KIRREL3: variants seen among roughly 807,000 people sequenced by gnomAD.
KIRREL3 encodes kin of IRRE-like protein 3.
KIRREL3 carries 36 observed loss-of-function variants against 89.7 expected under a neutral mutation model. That is an observed-to-expected ratio of 0.40 (90% confidence interval 0.31 to 0.53). KIRREL3 has a LOEUF of 0.53. Ranked by LOEUF, KIRREL3 falls within the 20% of genes least tolerant of loss-of-function variation. KIRREL3 has a pLI of 0.49. For missense variants in KIRREL3, 864 were observed against 1,056.6 expected, an observed-to-expected ratio of 0.82 and a Z score of 2.53; for synonymous variants, 445 against 441.4, an observed-to-expected ratio of 1.01 and a Z score of -0.10.
chr11:126,553,953 A>G lies in KIRREL3; in HGVS notation c.133+8882T>C, dbSNP rs549127588. On this transcript the variant is annotated intron_variant, in intron 2 of 16. Transcript: ENST00000525144. The surrounding 1 kb of genome is among the most constrained non-coding windows in gnomAD (Gnocchi z 4.7). ...TCGAAACAGGTTGGTGTCCATTCAC[A>G]TTGGAACTGCTGTCTGTCAACCAAA... Among the ~76,000 whole-genome samples the G allele has an allele frequency of 5.7e-4, 87 of 152,324 alleles. No individual in the cohort carries two copies. Among genetic ancestry groups the G allele is most frequent in the South Asian group, 1.2e-3 (6 of 4,822 alleles).
At chr11:126,585,448 G>A (rs946192228) in intron 1 of KIRREL3, among the ~76,000 whole-genome samples, 1 of 149,704 alleles carries the variant, frequency 6.7e-6, no homozygotes, top group African/African-American at 2.5e-5. Context: ...GGGCCAGGCT[G>A]CTCTCGAATT....
In KIRREL3 at chr11:126,805,275, C is replaced by T. The variant is rs1316593223; in HGVS notation, c.55+195180G>A. ...AGAGGACTTGTTTATGAAATTAGGG[C>T]TCATACTGAAGGTCAGGAGAAGGGC... On this transcript the variant is annotated intron_variant, in intron 1 of 16. Coordinates refer to ENST00000525144, the MANE Select transcript of KIRREL3 (RefSeq NM_032531.4). The surrounding 1 kb of genome is among the most constrained non-coding windows in gnomAD (Gnocchi z 4.3). Among the ~76,000 whole-genome samples the T allele has an allele frequency of 6.6e-6, 1 of 152,094 alleles. No individual in the cohort carries two copies. The highest frequency in any genetic ancestry group is 1.5e-5 in the Non-Finnish European group (1 of 68,016).
chr11:126,933,330 G>C (rs1306636189), intron 1 of KIRREL3, among the ~76,000 whole-genome samples: 1 of 151,778 alleles, frequency 6.6e-6, no homozygotes, highest in Admixed American at 6.6e-5. Flanking sequence ...TAAGTTCATT[G>C]CAGCCTAATG....
At chr11:126,621,634 T>C (rs1943578960) in intron 1 of KIRREL3, among the ~76,000 whole-genome samples, 1 of 152,226 alleles carries the variant, frequency 6.6e-6, no homozygotes, top group South Asian at 2.1e-4. Flanking sequence ...GCATTTTTTT[T>C]AATACCACGA....
At position 126,955,788 on chromosome 11, in the gene KIRREL3, G is replaced by A. The variant is rs1177935991; in HGVS notation, c.55+44667C>T. On this transcript the variant is annotated intron_variant, in intron 1 of 16. Transcript: ENST00000525144. The surrounding 1 kb of genome is among the most constrained non-coding windows in gnomAD (Gnocchi z 4.6). The stretch of plus-strand genomic sequence containing the variant: ...CAGAAAGCTTAGCTCTAGTGAGAGA[G>A]AAGCATTCAGGGCTGATGTTCTGAA... Among the ~76,000 whole-genome samples the A allele has an allele frequency of 6.6e-6, 1 of 152,208 alleles. No individual in the cohort carries two copies. Among genetic ancestry groups the A allele is most frequent in the Non-Finnish European group, 1.5e-5 (1 of 68,044 alleles).
In KIRREL3 at chr11:126,526,781, A is replaced by G; in HGVS notation, c.134-94T>C. 2 of 1,338,802 alleles carry G rather than the reference A, an allele frequency of 1.5e-6. No individual in the cohort carries two copies. The allele number at this position is 1,338,802 out of a possible 1,614,324, so 82.9% of individuals were successfully genotyped here. On this transcript the variant is annotated intron_variant, in intron 2 of 16. Transcript: ENST00000525144. The surrounding 1 kb of genome is among the most constrained non-coding windows in gnomAD (Gnocchi z 5.7). ...TATGGAAGCAGAGCAGGGCTGGCGC[A>G]GGAGACTGAGCCTCCTGAAGCACCT...
At chr11:126,848,988 A>C (rs1369770837) in intron 1 of KIRREL3, among the ~76,000 whole-genome samples, 2 of 152,204 alleles carry the variant, frequency 1.3e-5, no homozygotes, top group African/African-American at 4.8e-5. Context: ...GAGGTGTTTA[A>C]AACAGAGCCA....
rs556337654 is a variant in KIRREL3, at chr11:126,635,145, C to A, written c.56-72233G>T. 6.6e-6 allele frequency among the ~76,000 whole-genome samples: 1 copy of A among 152,338 alleles called. No homozygotes were observed. The highest frequency in any genetic ancestry group is 1.5e-5 in the Non-Finnish European group (1 of 68,032). On this transcript the variant is annotated intron_variant, in intron 1 of 16. Transcript: ENST00000525144. The surrounding 1 kb of genome is among the most constrained non-coding windows in gnomAD (Gnocchi z 4.0). ...GAGCAGGATTGAACCTTGAACCCAA[C>A]AAAAGGGTCTGCAGTGAGGCAGGGC...
chr11:126,446,168 AAAT>A (rs1955790687), intron 9 of KIRREL3, among the ~76,000 whole-genome samples: 2 of 151,796 alleles, frequency 1.3e-5, no homozygotes, highest in South Asian at 4.1e-4. Flanking sequence ...AAAAAAAAAA[AAAT>A]GGAACACAGG....
At chr11:126,942,120 C>T (rs944203889) in intron 1 of KIRREL3, among the ~76,000 whole-genome samples, 3 of 152,158 alleles carry the variant, frequency 2.0e-5, no homozygotes, top group African/African-American at 7.2e-5. Flanking sequence ...CAGCTCAAGT[C>T]TTCTGGAATA....
intron 4 of KIRREL3, among the ~76,000 whole-genome samples, chr11:126,509,890 C>T (rs1347740744): frequency 1.4e-5 from 2 of 144,872 alleles, no homozygotes; most frequent in Admixed American, 7.2e-5. Flanking sequence ...CCAGGAGATT[C>T]GCAGGAGAAT....
chr11:126,775,850 G>C (rs1241032017), intron 1 of KIRREL3, among the ~76,000 whole-genome samples: 1 of 152,130 alleles, frequency 6.6e-6, no homozygotes, highest in East Asian at 1.9e-4. Context: ...TCCAAGCATG[G>C]GCTCTTCCAC....
rs539717882 is a variant in KIRREL3, at chr11:126,735,186, AGTT to A, written c.56-172277_56-172275del. Among the ~76,000 whole-genome samples, 66 of 152,304 alleles carry A rather than the reference AGTT, an allele frequency of 4.3e-4. 2 individuals are homozygous for A. The South Asian group carries it at 0.013, about 29-fold the overall frequency. On this transcript the variant is annotated intron_variant, in intron 1 of 16. Transcript: ENST00000525144. The stretch of plus-strand genomic sequence containing the variant: ...ATGACACCTTTTATGTCTCTGTAAA[AGTT>A]GTAAAATGTGCTTCTGTGAGGGCTA...
chr11:126,698,456 T>C (rs1947185113), intron 1 of KIRREL3, among the ~76,000 whole-genome samples: 1 of 152,220 alleles, frequency 6.6e-6, no homozygotes, highest in African/African-American at 2.4e-5. Context: ...TGTTCTCATC[T>C]GCCGGCTTGT....
chr11:126,718,179 C>T (rs1288436628), intron 1 of KIRREL3, among the ~76,000 whole-genome samples: 3 of 152,172 alleles, frequency 2.0e-5, no homozygotes, highest in African/African-American at 7.2e-5. Context: ...TCTCCTGCAG[C>T]CACATTTCTG....
At chr11:126,938,442 T>A (rs1245254817) in intron 1 of KIRREL3, among the ~76,000 whole-genome samples, 1 of 152,180 alleles carries the variant, frequency 6.6e-6, no homozygotes, top group Non-Finnish European at 1.5e-5. Flanking sequence ...CTAAGAAAGG[T>A]CAAGTAAATT....
rs1408952095 is a variant in KIRREL3 at position 126,614,189 on chromosome 11, A to G, written c.56-51277T>C. 6.6e-6 allele frequency among the ~76,000 whole-genome samples: 1 copy of G among 152,142 alleles called. No homozygotes were observed. Among genetic ancestry groups the G allele is most frequent in the Non-Finnish European group, 1.5e-5 (1 of 68,026 alleles). The stretch of plus-strand genomic sequence containing the variant: ...ACATGTGCGCTTTAAGGGTTGGAAA[A>G]GTTCGATCTATTGTCGATTTCTCTA... On this transcript the variant is annotated intron_variant, in intron 1 of 16. Coordinates refer to ENST00000525144, the MANE Select transcript of KIRREL3 (RefSeq NM_032531.4). The surrounding 1 kb of genome is among the most constrained non-coding windows in gnomAD (Gnocchi z 4.6).
chr11:126,812,833 T>C lies in KIRREL3; in HGVS notation c.55+187622A>G, dbSNP rs1175524323. ...TGGCTCTGTTTCTCTATTTCCCAGT[T>C]ACTTGCCCAAGAACATGGCTCCATC... On this transcript the variant is annotated intron_variant, in intron 1 of 16. Transcript: ENST00000525144. The surrounding 1 kb of genome is among the most constrained non-coding windows in gnomAD (Gnocchi z 5.2). 6.6e-6 allele frequency among the ~76,000 whole-genome samples: 1 copy of C among 152,198 alleles called. No homozygotes were observed. Among genetic ancestry groups the C allele is most frequent in the Non-Finnish European group, 1.5e-5 (1 of 68,026 alleles).
At position 126,802,309 on chromosome 11, in the gene KIRREL3, G is replaced by T. The variant is rs1037359998; in HGVS notation, c.55+198146C>A. Among the ~76,000 whole-genome samples, 1 of 152,140 alleles carries T rather than the reference G, an allele frequency of 6.6e-6. No individual in the cohort carries two copies. Among genetic ancestry groups the T allele is most frequent in the Non-Finnish European group, 1.5e-5 (1 of 68,024 alleles). ...AGGTGGGGGCAGAAACAAAGGAAAA[G>T]CAGCCCAGGGAGATGGCGTTAGTGC... On this transcript the variant is annotated intron_variant, in intron 1 of 16. Coordinates refer to ENST00000525144, the MANE Select transcript of KIRREL3 (RefSeq NM_032531.4). The surrounding 1 kb of genome is among the most constrained non-coding windows in gnomAD (Gnocchi z 5.2).
Sources: allele counts gnomAD v4.1 joint callset (sites outside exome capture counted in the v4.1 genomes callset), GRCh38; gene constraint gnomAD v4.1.1; non-coding constraint Gnocchi (gnomAD v3.1); transcripts MANE v1.5; gene names NCBI Gene and HGNC (gene_info 2026-07-23, HGNC 2026-07-21).